WWOX: variants seen among roughly 807,000 people sequenced by gnomAD.
The protein encoded by WWOX is WW domain containing oxidoreductase, also known as WW domain-containing oxidoreductase.
A neutral mutation model predicts 46.2 loss-of-function variants in WWOX; 69 were observed. That is an observed-to-expected ratio of 1.49 (90% CI 1.23 to 1.82). The LOEUF (loss-of-function observed/expected upper bound fraction) is 1.82. Among genes scored for constraint, WWOX ranks in the 40% most tolerant of loss-of-function variants. The probability of loss-of-function intolerance (pLI) is 0.00; values close to 1 mark genes in which losing one functional copy is unlikely to be tolerated. For missense variants in WWOX, 919 were observed against 542.6 expected, an observed-to-expected ratio of 1.69 and a Z score of -6.89; for synonymous variants, 359 against 202.6, an observed-to-expected ratio of 1.77 and a Z score of -6.56.
chr16:78,474,829 C>T (rs1028960112), intron 8 of WWOX, among the ~76,000 whole-genome samples: 3 of 152,162 alleles, frequency 2.0e-5, no homozygotes, highest in Non-Finnish European at 4.4e-5. Context: ...TGGGCTCACA[C>T]GATATGTGGT....
At chr16:78,686,083 A>C (rs906263041) in intron 8 of WWOX, among the ~76,000 whole-genome samples, 14 of 152,180 alleles carry the variant, frequency 9.2e-5, no homozygotes, top group Non-Finnish European at 1.6e-4. Context: ...TGGGATCTAT[A>C]GATTGGGGAA....
chr16:78,415,901 T>C (rs191181898), intron 6 of WWOX, among the ~76,000 whole-genome samples: 194 of 152,270 alleles, frequency 1.3e-3, no homozygotes, highest in African/African-American at 4.5e-3. Context: ...AAGGGGTTGC[T>C]GGTTTGTAAA....
At chr16:78,817,544 C>A (rs529178481) in intron 8 of WWOX, among the ~76,000 whole-genome samples, 2 of 152,194 alleles carry the variant, frequency 1.3e-5, no homozygotes, top group Non-Finnish European at 2.9e-5. Flanking sequence ...ATTTGCCAAT[C>A]AAAATTCACG....
chr16:78,569,468 G>A (rs932346054), intron 8 of WWOX, among the ~76,000 whole-genome samples: 7 of 152,114 alleles, frequency 4.6e-5, no homozygotes, highest in Non-Finnish European at 1.0e-4. Context: ...GAGAAAAGGG[G>A]GAAAAAGTTA....
chr16:78,478,163 C>A (rs748189118), intron 8 of WWOX, among the ~76,000 whole-genome samples: 13 of 152,114 alleles, frequency 8.5e-5, no homozygotes, highest in Non-Finnish European at 1.9e-4. Context: ...AAAGTGTAAT[C>A]AATTTTGAGG....
In WWOX at chr16:78,451,571, C is replaced by G. The variant is rs117230417; in HGVS notation, c.1056+18819C>G. On this transcript the variant is annotated intron_variant, in intron 8 of 8. Coordinates refer to ENST00000566780, the MANE Select transcript of WWOX (RefSeq NM_016373.4). ...GTGACCTGCTGGCCAGCCACATTAC[C>G]TCCTTGGGCTTTGGATTTTCTTTTT... Among the ~76,000 whole-genome samples, 327 of 152,286 alleles carry G rather than the reference C, an allele frequency of 2.1e-3. 1 individual carries two copies. The highest frequency in any genetic ancestry group is 3.6e-3 in the Non-Finnish European group (242 of 68,030).
chr16:78,425,451 A>G (rs1044716301), intron 7 of WWOX, among the ~76,000 whole-genome samples: 9 of 152,202 alleles, frequency 5.9e-5, no homozygotes, highest in African/African-American at 2.2e-4. Context: ...ATGAAATCAA[A>G]TTGTTTTATA....
At chr16:78,537,854 T>C (rs2151521828) in intron 8 of WWOX, among the ~76,000 whole-genome samples, 1 of 152,246 alleles carries the variant, frequency 6.6e-6, no homozygotes, top group Non-Finnish European at 1.5e-5. Context: ...CACCCGGCAG[T>C]GGAAAAGCCT....
At chr16:78,316,898 A>G (rs1043374633) in intron 5 of WWOX, among the ~76,000 whole-genome samples, 33 of 152,154 alleles carry the variant, frequency 2.2e-4, no homozygotes, top group African/African-American at 8.0e-4. Flanking sequence ...TGAAACTACC[A>G]TTTATCTTTG....
rs1379584329 is a variant in WWOX, at chr16:78,109,901, A to G, written c.230+66A>G. The G allele has an allele frequency of 5.4e-6, 8 of 1,491,958 alleles. No homozygotes were observed. The East Asian group carries it at 1.7e-4, about 31-fold the overall frequency. 92.4% of individuals were successfully genotyped at this position (1,491,958 alleles called of 1,614,324 possible). ...TTTAATAGGAATTTTTAATTATAAA[A>G]GTAATACATAGTAACTGTAGAAAAA... On this transcript the variant is annotated intron_variant, in intron 3 of 8. Transcript: ENST00000566780.
At chr16:78,465,504 G>C (rs1436029252) in intron 8 of WWOX, among the ~76,000 whole-genome samples, 2 of 152,160 alleles carry the variant, frequency 1.3e-5, no homozygotes, top group African/African-American at 4.8e-5. Context: ...TTAAAGAACT[G>C]TCTGTTTTAT....
rs142357295 is a variant in WWOX, at chr16:79,207,799, T to A, written c.1057-3809T>A. On this transcript the variant is annotated intron_variant, in intron 8 of 8. Transcript: ENST00000566780. ...TCAATATGTGGGTGCTTTTTTTTTCTTTACCATATATTGTTTATCAGAAAC... is the reference window on the plus strand; with the variant it reads ...TCAATATGTGGGTGCTTTTTTTTTCATTACCATATATTGTTTATCAGAAAC... Among the ~76,000 whole-genome samples the A allele has an allele frequency of 3.1e-3, 464 of 150,058 alleles. 4 individuals carry two copies. The highest frequency in any genetic ancestry group is 0.024 in the Admixed American group (362 of 15,096).
chr16:78,415,087 T>C, intron 6 of WWOX, among the ~76,000 whole-genome samples: 1 of 148,446 alleles, frequency 6.7e-6, no homozygotes, highest in Non-Finnish European at 1.5e-5. Context: ...ATAATATATA[T>C]AATTATAATA....
intron 4 of WWOX, among the ~76,000 whole-genome samples, chr16:78,125,263 T>A (rs2033313282): frequency 6.6e-6 from 1 of 152,154 alleles, no homozygotes; most frequent in Admixed American, 6.5e-5. Context: ...TGAGGTAACG[T>A]GCTTGAGATC....
At chr16:78,304,939 C>G (rs2080104973) in intron 5 of WWOX, among the ~76,000 whole-genome samples, 1 of 150,754 alleles carries the variant, frequency 6.6e-6, no homozygotes, top group African/African-American at 2.5e-5. Flanking sequence ...CCTCTTTTCC[C>G]TTCTTCCTCT....
chr16:78,763,850 T>C (rs372115800), intron 8 of WWOX, among the ~76,000 whole-genome samples: 2 of 152,314 alleles, frequency 1.3e-5, no homozygotes, highest in South Asian at 2.1e-4. Flanking sequence ...CTCTTTCTAA[T>C]TGCCCTGCAG....
At chr16:78,298,772 CA>C (rs2079986997) in intron 5 of WWOX, among the ~76,000 whole-genome samples, 1 of 139,466 alleles carries the variant, frequency 7.2e-6, no homozygotes, top group Admixed American at 7.4e-5. Context: ...GCCTGGGCAA[CA>C]AGAGCGAAAC....
intron 8 of WWOX, among the ~76,000 whole-genome samples, chr16:78,907,991 G>C (rs1240781185): frequency 6.6e-6 from 1 of 152,170 alleles, no homozygotes; most frequent in Non-Finnish European, 1.5e-5. Flanking sequence ...CTTTGGGAAG[G>C]AATTTCGAGT....
chr16:79,059,302 C>G (rs902386042), intron 8 of WWOX, among the ~76,000 whole-genome samples: 1 of 152,134 alleles, frequency 6.6e-6, no homozygotes, highest in African/African-American at 2.4e-5. Flanking sequence ...AGTCCTTAAT[C>G]TAGTGTGTAA....
Sources: allele counts gnomAD v4.1 joint callset (sites outside exome capture counted in the v4.1 genomes callset), GRCh38; gene constraint gnomAD v4.1.1; transcripts MANE v1.5; gene names NCBI Gene and HGNC (gene_info 2026-07-23, HGNC 2026-07-21).